Variants in TMEM35A observed in about 807,000 individuals in gnomAD.
TMEM35A encodes the protein nicotinic acetylcholine receptor chaperone.
For synonymous variants in TMEM35A, 50 were observed against 54.7 expected, an observed-to-expected ratio of 0.91 and a Z score of 0.38; for missense variants, 83 against 132.7, an observed-to-expected ratio of 0.63 and a Z score of 1.84.
intron 1 of TMEM35A, among the ~76,000 whole-genome samples, chrX:101,092,754 G>A (rs1040808120): frequency 3.6e-5 from 4 of 110,264 alleles, no homozygotes; most frequent in African/African-American, 1.3e-4. Flanking sequence ...GTAGCTATGT[G>A]GGAGGCTGAG....
intron 1 of TMEM35A, 103 bp from the exon 2 acceptor site, chrX:101,094,470 A>G: frequency 1.2e-6 from 1 of 807,666 alleles, no homozygotes; most frequent in Non-Finnish European, 1.8e-6. Context: ...ATGGGACACC[A>G]GTGGCTGGTG....
intron 1 of TMEM35A, among the ~76,000 whole-genome samples, chrX:101,079,349 C>A: frequency 9.0e-6 from 1 of 110,521 alleles, no homozygotes; most frequent in Middle Eastern, 4.6e-3. Flanking sequence ...GGAGGGGTTG[C>A]GCAGCGAATA....
chrX:101,086,400 C>T (rs1169031930), intron 1 of TMEM35A, among the ~76,000 whole-genome samples: 1 of 112,232 alleles, frequency 8.9e-6, no homozygotes, highest in Non-Finnish European at 1.9e-5. Flanking sequence ...GGGTTATAGG[C>T]GTGAGCCACT....
intron 1 of TMEM35A, among the ~76,000 whole-genome samples, chrX:101,082,738 G>A (rs1002833806): frequency 9.1e-6 from 1 of 110,056 alleles, no homozygotes; most frequent in Admixed American, 9.8e-5. Context: ...TCTGCCTCCC[G>A]GGTTCAAGCG....
intron 1 of TMEM35A, among the ~76,000 whole-genome samples, chrX:101,080,671 T>C (rs1226027501): frequency 9.1e-6 from 1 of 109,337 alleles, no homozygotes; most frequent in Non-Finnish European, 1.9e-5. Context: ...GGAGGGGAAA[T>C]GCCATTATAT....
Position 101,079,008 on chromosome X carries a change from A to G in TMEM35A, c.6A>G (p.Ala2=). 3 of 1,211,404 alleles carry G rather than the reference A, an allele frequency of 2.5e-6. No individual in the cohort carries two copies. Among genetic ancestry groups the G allele is most frequent in the Non-Finnish European group, 3.4e-6 (3 of 895,357 alleles). Residue 2 remains alanine, a synonymous_variant, in exon 1 of 2, where the codon GCA becomes GCG. Transcript: ENST00000372930. The part of the protein sequence containing the change: M[A]SPRTVTIVAL... Reference sequence around the variant, plus strand: ...GGACCTGCCTTGGCGACCCCATGGCATCCCCCAGAACCGTAACTATTGTGG... The same window carrying G: ...GGACCTGCCTTGGCGACCCCATGGCGTCCCCCAGAACCGTAACTATTGTGG...
Position 101,079,010 on chromosome X carries a change from C to T in TMEM35A, c.8C>T (p.Ser3Phe). The change falls in exon 1 of 2, where the codon TCC (serine) becomes TTC (phenylalanine). Residue 3 changes from serine (S) to phenylalanine (F), a missense_variant. By Grantham distance (155) the Ser-to-Phe change is radical. Transcript: ENST00000372930. ...ACCTGCCTTGGCGACCCCATGGCATCCCCCAGAACCGTAACTATTGTGGCC... is the reference window on the plus strand; with the variant it reads ...ACCTGCCTTGGCGACCCCATGGCATTCCCCAGAACCGTAACTATTGTGGCC... MA[S>F]PRTVTIVALS... The T allele has an allele frequency of 1.7e-6, 2 of 1,211,229 alleles. No homozygotes were observed. The highest frequency in any genetic ancestry group is 1.1e-6 in the Non-Finnish European group (1 of 895,239).
chrX:101,080,243 C>A (rs2089288081), intron 1 of TMEM35A, among the ~76,000 whole-genome samples: 1 of 111,524 alleles, frequency 9.0e-6, no homozygotes, highest in African/African-American at 3.3e-5. Flanking sequence ...GGAGGAACAG[C>A]CTCACACATT....
chrX:101,094,026 A>C (rs965912739), intron 1 of TMEM35A, among the ~76,000 whole-genome samples: 1 of 112,122 alleles, frequency 8.9e-6, no homozygotes, highest in African/African-American at 3.2e-5. Flanking sequence ...TATGATTTCA[A>C]CATATGGTTT....
At chrX:101,091,365 C>T (rs919357961) in intron 1 of TMEM35A, among the ~76,000 whole-genome samples, 4 of 106,603 alleles carry the variant, frequency 3.8e-5, no homozygotes, top group East Asian at 3.0e-4. Flanking sequence ...TACGTTGGCA[C>T]GATCACAGCT....
At chrX:101,087,776 T>C (rs2089311713) in intron 1 of TMEM35A, among the ~76,000 whole-genome samples, 1 of 111,698 alleles carries the variant, frequency 9.0e-6, no homozygotes, top group African/African-American at 3.2e-5. Flanking sequence ...CATCCTGGGC[T>C]GGGCACATAA....
intron 1 of TMEM35A, among the ~76,000 whole-genome samples, chrX:101,089,256 A>T (rs906680806): frequency 9.0e-6 from 1 of 111,450 alleles, no homozygotes; most frequent in Non-Finnish European, 1.9e-5. Context: ...AACTAGGGTG[A>T]GGTGGAATTT....
intron 1 of TMEM35A, among the ~76,000 whole-genome samples, chrX:101,082,222 C>T (rs1460310330): frequency 2.5e-5 from 2 of 80,681 alleles, no homozygotes; most frequent in African/African-American, 9.3e-5. Flanking sequence ...GTGTTATCTT[C>T]TCCAGGGAGA....
chrX:101,084,769 G>A (rs988957344), intron 1 of TMEM35A, among the ~76,000 whole-genome samples: 5 of 111,329 alleles, frequency 4.5e-5, no homozygotes, highest in African/African-American at 1.6e-4. Flanking sequence ...GGAGGCTGAA[G>A]CAGGAGAATT....
chrX:101,090,165 C>CTTTTTTTTTT (rs1569495904), intron 1 of TMEM35A, among the ~76,000 whole-genome samples: 3 of 98,161 alleles, frequency 3.1e-5, no homozygotes, highest in South Asian at 4.0e-4. Context: ...CCATTTCTTT[C>CTTTTTTTTTT]TTTCTTTTTT....
rs754867851 is a variant in TMEM35A, at chrX:101,089,894, T to A, written c.121-4679T>A. Among the ~76,000 whole-genome samples the A allele has an allele frequency of 2.1e-3, 236 of 112,006 alleles. 1 individual carries two copies. The highest frequency in any genetic ancestry group is 3.5e-3 in the Non-Finnish European group (188 of 53,281). On this transcript the variant is annotated intron_variant, in intron 1 of 1. Transcript: ENST00000372930. ...GGCGATTATCTTGGGCCACTCATGA[T>A]AATTAATCCATTAAGTAAAGGTGCA...
chrX:101,090,373 G>A (rs867922496), intron 1 of TMEM35A, among the ~76,000 whole-genome samples: 52 of 92,756 alleles, frequency 5.6e-4, no homozygotes, highest in African/African-American at 2.1e-3. Context: ...TCGCCATATT[G>A]GCCAGGCTGG....
At position 101,093,683 on chromosome X, in the gene TMEM35A, C is replaced by T. The variant is rs762963572; in HGVS notation, c.121-890C>T. Reference sequence around the variant, plus strand: ...TTTTAAACTATAAAATCAAATTATTCGCCTTATTACCTTTGGTGCTTGTCT... The same window carrying T: ...TTTTAAACTATAAAATCAAATTATTTGCCTTATTACCTTTGGTGCTTGTCT... On this transcript the variant is annotated intron_variant, in intron 1 of 1. Coordinates refer to ENST00000372930, the MANE Select transcript of TMEM35A (RefSeq NM_021637.3). Among the ~76,000 whole-genome samples the T allele has an allele frequency of 1.3e-4, 15 of 112,153 alleles. No individual in the cohort carries two copies. In the South Asian group the frequency reaches 4.8e-3, roughly 36 times the overall value.
rs376029003 is a variant in TMEM35A at position 101,094,602 on chromosome X, C to T, written c.150C>T (p.Ala50=). 5.0e-6 allele frequency: 6 copies of T among 1,206,956 alleles called. No homozygotes were observed. The African/African-American group carries it at 8.8e-5, about 18-fold the overall frequency. Reference sequence around the variant, plus strand: ...GTGCTTACAAGAGCTATGTTCGAGCCCTCCCTCTGCTGAAGAAAATGGGGA... The same window carrying T: ...GTGCTTACAAGAGCTATGTTCGAGCTCTCCCTCTGCTGAAGAAAATGGGGA... ...MKRAYKSYVR[A]LPLLKKMGIN... The change falls in exon 2 of 2, where the codon GCC becomes GCT. Residue 50 remains alanine (A), a synonymous_variant. Transcript: ENST00000372930.
Sources: gnomAD v4.1 joint callset for allele counts (sites outside exome capture counted in the v4.1 genomes callset) on GRCh38, gnomAD v4.1.1 for gene constraint, MANE v1.5 for transcripts, NCBI Gene and HGNC (gene_info 2026-07-23, HGNC 2026-07-21) for gene names.